Variants in PALM2AKAP2 observed in about 807,000 individuals in gnomAD.
PALM2AKAP2 encodes PALM2-AKAP2 fusion protein.
In PALM2AKAP2, 37 loss-of-function variants were observed where a neutral mutation model predicts 71.5. The observed-to-expected ratio is 0.52, with a 90% CI of 0.40 to 0.68. PALM2AKAP2 has a LOEUF of 0.68. Among genes scored for constraint, PALM2AKAP2 ranks in the 30% least tolerant of loss-of-function variants. PALM2AKAP2 has a pLI of 0.00. For synonymous variants in PALM2AKAP2, 468 were observed against 478.8 expected, an observed-to-expected ratio of 0.98 and a Z score of 0.29; for missense variants, 1,224 against 1,191.8, an observed-to-expected ratio of 1.03 and a Z score of -0.40.
At chr9:109,823,634 C>A (rs1005606251) in intron 1 of PALM2AKAP2, among the ~76,000 whole-genome samples, 2 of 152,104 alleles carry the variant, frequency 1.3e-5, no homozygotes, top group Non-Finnish European at 2.9e-5. Flanking sequence ...CAGGCTGCCC[C>A]ACCATGTTCA....
chr9:109,682,123 G>T (rs978561214), intron 1 of PALM2AKAP2, among the ~76,000 whole-genome samples: 6 of 152,152 alleles, frequency 3.9e-5, no homozygotes, highest in Non-Finnish European at 5.9e-5. Context: ...GACCAGTCAA[G>T]ACCAATTAAG....
intron 1 of PALM2AKAP2, among the ~76,000 whole-genome samples, chr9:110,054,746 A>G (rs779816241): frequency 6.6e-6 from 1 of 151,724 alleles, no homozygotes; most frequent in South Asian, 2.1e-4. Flanking sequence ...CTGTTTTTCT[A>G]TTGTTTGTAG....
chr9:110,086,917 C>T (rs921956755), intron 1 of PALM2AKAP2, among the ~76,000 whole-genome samples: 2 of 152,160 alleles, frequency 1.3e-5, no homozygotes, highest in African/African-American at 4.8e-5. Context: ...CCTAGGTGGT[C>T]AATGATTTGA....
chr9:110,138,650 T>G, intron 2 of PALM2AKAP2, 111 bp downstream of exon 8: 2 of 1,437,828 alleles, frequency 1.4e-6, no homozygotes, highest in Non-Finnish European at 1.8e-6. Flanking sequence ...GGAATAAGTG[T>G]TGGGGGGACA....
intron 1 of PALM2AKAP2, among the ~76,000 whole-genome samples, chr9:109,854,128 C>T (rs918524366): frequency 2.6e-5 from 4 of 152,210 alleles, no homozygotes; most frequent in Admixed American, 1.3e-4. Context: ...CAGTGAGAAG[C>T]AGTACCTTTC....
intron 1 of PALM2AKAP2, among the ~76,000 whole-genome samples, chr9:109,860,180 G>T (rs1287580229): frequency 1.3e-5 from 2 of 152,214 alleles, no homozygotes; most frequent in Admixed American, 6.5e-5. Context: ...ATTGGACAAA[G>T]CTGAGTGAGC....
At chr9:109,803,987 A>G (rs1054067357) in intron 1 of PALM2AKAP2, among the ~76,000 whole-genome samples, 4 of 152,184 alleles carry the variant, frequency 2.6e-5, no homozygotes, top group African/African-American at 9.7e-5. Context: ...TTTTTTGGCC[A>G]TCCTGAAAGT....
intron 1 of PALM2AKAP2, among the ~76,000 whole-genome samples, chr9:110,077,551 C>T (rs61667721): frequency 0.036 from 3,295 of 92,804 alleles, 115 homozygotes; most frequent in African/African-American, 0.085. Flanking sequence ...CATGGGTCAG[C>T]GGGTCAGGGC....
chr9:109,780,670 C>A, intron 1 of PALM2AKAP2, 137 bp downstream of exon 1: 13 of 1,294,292 alleles, frequency 1.0e-5, no homozygotes, highest in Non-Finnish European at 1.4e-5. Flanking sequence ...TGTCAGGGCT[C>A]AGCTAGGCTG....
At chr9:109,928,878 G>A (rs1831021110) in intron 5 of PALM2AKAP2, among the ~76,000 whole-genome samples, 1 of 152,074 alleles carries the variant, frequency 6.6e-6, no homozygotes, top group Non-Finnish European at 1.5e-5. Context: ...TGTTGGCCAT[G>A]CTGGTCTCAA....
chr9:109,961,013 A>G (rs1038658138), intron 6 of PALM2AKAP2, among the ~76,000 whole-genome samples: 1 of 152,242 alleles, frequency 6.6e-6, no homozygotes, highest in Non-Finnish European at 1.5e-5. Flanking sequence ...GGAGCTCCCC[A>G]GCAGGGCTGC....
chr9:109,733,876 A>G (rs1828591375), intron 1 of PALM2AKAP2, among the ~76,000 whole-genome samples: 1 of 152,214 alleles, frequency 6.6e-6, no homozygotes, highest in Non-Finnish European at 1.5e-5. Flanking sequence ...GCTGTCAGCC[A>G]CTTGGTCAGA....
At chr9:110,095,601 A>G (rs1834817606) in intron 1 of PALM2AKAP2, among the ~76,000 whole-genome samples, 1 of 152,168 alleles carries the variant, frequency 6.6e-6, no homozygotes, top group African/African-American at 2.4e-5. Context: ...GCTGTCAAGC[A>G]TAAGAATTGC....
At chr9:109,747,497 A>G (rs966225931) in intron 1 of PALM2AKAP2, among the ~76,000 whole-genome samples, 7 of 152,226 alleles carry the variant, frequency 4.6e-5, no homozygotes, top group South Asian at 4.1e-4. Context: ...GAAGAACCAA[A>G]GAACCAAATA....
rs984517286 is a variant in PALM2AKAP2, at chr9:109,945,226, G to T, written c.496+13198G>T. On this transcript the variant is annotated intron_variant, in intron 6 of 9. Transcript: ENST00000302798. ...ATTGCATTTTAATGAGCACAAAATG[G>T]GTCATTTTATTTTTATTATACTCAT... is the stretch of plus-strand genomic sequence containing the variant. The T allele has an allele frequency of 4.6e-5, 7 of 151,854 alleles. No homozygotes were observed. In the East Asian group the frequency reaches 1.4e-3, roughly 29 times the overall value. The allele number at this position is 151,854 out of a possible 1,614,324, so 9.4% of individuals were successfully genotyped here.
chr9:109,863,943 G>A (rs1829378366), intron 1 of PALM2AKAP2, among the ~76,000 whole-genome samples: 1 of 152,128 alleles, frequency 6.6e-6, no homozygotes, highest in African/African-American at 2.4e-5. Context: ...AGCCAAGCGT[G>A]GTGACACACA....
intron 1 of PALM2AKAP2, among the ~76,000 whole-genome samples, chr9:110,080,659 T>A (rs1834430286): frequency 1.3e-5 from 2 of 152,110 alleles, no homozygotes; most frequent in Non-Finnish European, 2.9e-5. Context: ...AGTTGAATTT[T>A]TAGTTTTTTT....
chr9:109,643,094 GGAGGGAGGGAGT>G (rs986935957), intron 1 of PALM2AKAP2, among the ~76,000 whole-genome samples: 2 of 149,728 alleles, frequency 1.3e-5, no homozygotes, highest in Non-Finnish European at 3.0e-5. Context: ...AGAAAGAGGG[GGAGGGAGGGAGT>G]GAGGGAGGGA....
At chr9:109,835,513 G>A (rs1214433723) in intron 1 of PALM2AKAP2, among the ~76,000 whole-genome samples, 3 of 152,084 alleles carry the variant, frequency 2.0e-5, no homozygotes, top group Non-Finnish European at 4.4e-5. Flanking sequence ...ATCTCATTGG[G>A]GCTTGTCGGA....
Sources: gnomAD v4.1 joint callset for allele counts (sites outside exome capture counted in the v4.1 genomes callset) on GRCh38, gnomAD v4.1.1 for gene constraint, MANE v1.5 for transcripts, NCBI Gene and HGNC (gene_info 2026-07-23, HGNC 2026-07-21) for gene names.